Variants in CHKA observed in about 807,000 individuals in gnomAD.
CHKA encodes CHETK-alpha.
A neutral mutation model predicts 60.1 loss-of-function variants in CHKA; 34 were observed. The ratio of observed to expected loss-of-function variants is 0.57; its 90% CI spans 0.43 to 0.75. The LOEUF is 0.75. Among genes scored for constraint, CHKA ranks in the 30% least tolerant of loss-of-function variants. The pLI is 0.00. For synonymous variants in CHKA, 217 were observed against 223.1 expected (o/e 0.97, Z 0.24); for missense variants, 563 against 561.3 (o/e 1.00, Z -0.03).
chr11:68,102,086 C>A (rs1338066505), intron 1 of CHKA, among the ~76,000 whole-genome samples: 1 of 145,846 alleles, frequency 6.9e-6, no homozygotes, highest in African/African-American at 2.6e-5. Context: ...GGTGACAGAG[C>A]AAGACTCTGT....
In CHKA at chr11:68,053,727, T is replaced by C; in HGVS notation, c.*261A>G. On this transcript the variant is annotated 3_prime_UTR_variant, in exon 12 of 12. Coordinates refer to ENST00000265689, the MANE Select transcript of CHKA (RefSeq NM_001277.3). ...CAAATATGAAATGCCTTCTCTAGATTAAAAGGATTCAGAGATGTTGCACTA... is the reference window on the plus strand; with the variant it reads ...CAAATATGAAATGCCTTCTCTAGATCAAAAGGATTCAGAGATGTTGCACTA... 2.6e-6 allele frequency: 1 copy of C among 388,706 alleles called. No individual in the cohort carries two copies. Among genetic ancestry groups the C allele is most frequent in the Non-Finnish European group, 4.6e-6 (1 of 215,404 alleles). The allele number at this position is 388,706 out of a possible 1,614,324, so 24.1% of individuals were successfully genotyped here.
At chr11:68,093,694 C>T (rs1857419038) in intron 2 of CHKA, among the ~76,000 whole-genome samples, 1 of 152,138 alleles carries the variant, frequency 6.6e-6, no homozygotes, top group Non-Finnish European at 1.5e-5. Context: ...TAACAATTGA[C>T]AATGAATCTT....
intron 6 of CHKA, among the ~76,000 whole-genome samples, chr11:68,069,547 G>T (rs1450410519): frequency 6.6e-6 from 1 of 152,122 alleles, no homozygotes; most frequent in Non-Finnish European, 1.5e-5. Context: ...AGCTGGGTGT[G>T]GGGGCGCATG....
At chr11:68,065,684 G>T in intron 9 of CHKA, 102 bp downstream of exon 9, 1 of 802,790 alleles carries the variant, frequency 1.2e-6, no homozygotes, top group Non-Finnish European at 2.1e-6. Context: ...CTGGGAAACA[G>T]AGTGAGACCC....
At chr11:68,094,123 C>G (rs1216355695) in intron 2 of CHKA, among the ~76,000 whole-genome samples, 2 of 152,152 alleles carry the variant, frequency 1.3e-5, no homozygotes, top group African/African-American at 4.8e-5. Flanking sequence ...AGTTTTAAAT[C>G]ACATGTAATT....
At chr11:68,111,612 T>G (rs1362217397) in intron 1 of CHKA, among the ~76,000 whole-genome samples, 2 of 152,060 alleles carry the variant, frequency 1.3e-5, no homozygotes, top group Non-Finnish European at 2.9e-5. Flanking sequence ...AGTGTGGTAT[T>G]GGCAAAAGAA....
intron 1 of CHKA, among the ~76,000 whole-genome samples, chr11:68,099,478 A>G (rs930585141): frequency 6.6e-6 from 1 of 152,258 alleles, no homozygotes; most frequent in Non-Finnish European, 1.5e-5. Flanking sequence ...ACAAGACAGC[A>G]AGAGTCAGGA....
At chr11:68,111,333 A>G (rs1858130234) in intron 1 of CHKA, among the ~76,000 whole-genome samples, 2 of 151,484 alleles carry the variant, frequency 1.3e-5, no homozygotes. Flanking sequence ...AATTGCTTGA[A>G]CCTGGGAGGC....
At chr11:68,103,286 T>C (rs1279616354) in intron 1 of CHKA, among the ~76,000 whole-genome samples, 1 of 151,622 alleles carries the variant, frequency 6.6e-6, no homozygotes, top group Non-Finnish European at 1.5e-5. Context: ...GCCTGGGAGG[T>C]TGAGGCTGCA....
chr11:68,082,255 C>A (rs1159482087), intron 2 of CHKA, among the ~76,000 whole-genome samples: 2 of 151,172 alleles, frequency 1.3e-5, no homozygotes, highest in African/African-American at 2.4e-5. Flanking sequence ...TAAGAGCAAC[C>A]CCCCACCCCA....
rs1858645382 is a variant in CHKA, at chr11:68,121,322, G to GGCT, written c.-146_-145insAGC. ...GCGGTTGGGCGCGCGGGGCGGCGGC[G>GGCT]GCGGCTGCGGCGACTGCGGCGACTG... On this transcript the variant is annotated 5_prime_UTR_variant, in exon 1 of 12. Coordinates refer to ENST00000265689, the MANE Select transcript of CHKA (RefSeq NM_001277.3). 60 of 434,150 alleles carry GGCT rather than the reference G, an allele frequency of 1.4e-4. No individual in the cohort carries two copies. Among genetic ancestry groups the GGCT allele is most frequent in the Middle Eastern group, 1.0e-3 (1 of 1,000 alleles). The allele number at this position is 434,150 out of a possible 1,614,324, so 26.9% of individuals were successfully genotyped here.
At chr11:68,110,548 G>A (rs927738317) in intron 1 of CHKA, among the ~76,000 whole-genome samples, 4 of 152,148 alleles carry the variant, frequency 2.6e-5, no homozygotes, top group African/African-American at 9.7e-5. Flanking sequence ...AACAAAATGT[G>A]TATTTTGTTA....
intron 2 of CHKA, among the ~76,000 whole-genome samples, chr11:68,095,736 A>AAAAAAAG (rs1565188504): frequency 1.5e-5 from 2 of 134,772 alleles, no homozygotes; most frequent in African/African-American, 2.9e-5. Flanking sequence ...AAAAAAAAAC[A>AAAAAAAG]ACAGGTATCA....
At chr11:68,105,280 G>A in intron 1 of CHKA, among the ~76,000 whole-genome samples, 1 of 151,884 alleles carries the variant, frequency 6.6e-6, no homozygotes, top group African/African-American at 2.4e-5. Context: ...ACTTTGGGAG[G>A]CTGAGGCGGG....
intron 10 of CHKA, among the ~76,000 whole-genome samples, chr11:68,064,252 A>T (rs1167621302): frequency 6.6e-6 from 1 of 152,192 alleles, no homozygotes; most frequent in African/African-American, 2.4e-5. Context: ...ACTAAAAAAT[A>T]CAAAAATTAG....
chr11:68,065,707 T>TA, intron 9 of CHKA, 79 bp downstream of exon 9: 1 of 1,035,740 alleles, frequency 9.7e-7, no homozygotes, highest in Non-Finnish European at 1.5e-6. Context: ...CCTCAAAAAA[T>TA]AAAAAAGAAG....
At chr11:68,087,462 A>G (rs986225933) in intron 2 of CHKA, among the ~76,000 whole-genome samples, 1 of 152,182 alleles carries the variant, frequency 6.6e-6, no homozygotes, top group Non-Finnish European at 1.5e-5. Flanking sequence ...AGCCTGGGCA[A>G]TAGAGTGAGA....
At chr11:68,099,067 A>C (rs1258034144) in intron 1 of CHKA, among the ~76,000 whole-genome samples, 1 of 152,230 alleles carries the variant, frequency 6.6e-6, no homozygotes, top group Non-Finnish European at 1.5e-5. Context: ...AAGTGAAAGA[A>C]GACAGTCACA....
rs187994570 is a variant in CHKA, at chr11:68,057,427, C to T, written c.1315-3380G>A. Among the ~76,000 whole-genome samples, 1,063 of 152,266 alleles carry T rather than the reference C, an allele frequency of 7.0e-3. 5 individuals carry two copies. Among genetic ancestry groups the T allele is most frequent in the Non-Finnish European group, 9.5e-3 (647 of 68,026 alleles). On this transcript the variant is annotated intron_variant, in intron 11 of 11. Transcript: ENST00000265689. The stretch of plus-strand genomic sequence containing the variant: ...CTCCACCTCCCGAGTTCACACCATT[C>T]TCCTGCCTCAGCCTCTCCAGTAGCT...
Sources: gnomAD v4.1 joint callset for allele counts (sites outside exome capture counted in the v4.1 genomes callset) on GRCh38, gnomAD v4.1.1 for gene constraint, MANE v1.5 for transcripts, NCBI Gene and HGNC (gene_info 2026-07-23, HGNC 2026-07-21) for gene names.